TMLHE: variants seen among roughly 807,000 people sequenced by gnomAD.
TMLHE encodes the protein trimethyllysine hydroxylase, epsilon.
In TMLHE, 18 loss-of-function variants were observed where a neutral mutation model predicts 25.7. The ratio of observed to expected loss-of-function variants is 0.70; its 90% CI spans 0.48 to 1.04. TMLHE has a LOEUF of 1.04. Among genes scored for constraint, TMLHE ranks in the 50% least tolerant of loss-of-function variants. The pLI is 0.00. For missense variants in TMLHE, 236 were observed against 259.0 expected (o/e 0.91, Z 0.61); for synonymous variants, 105 against 97.0 (o/e 1.08, Z -0.49).
chrX:155,597,232 T>C (rs1557346657), intron 1 of TMLHE, among the ~76,000 whole-genome samples: 2 of 110,457 alleles, frequency 1.8e-5, no homozygotes, highest in Non-Finnish European at 1.9e-5. Context: ...GGCTGCATAG[T>C]ACACATGAAA....
chrX:155,553,262 T>TATCA (rs1277263183), intron 1 of TMLHE, among the ~76,000 whole-genome samples: 1 of 110,544 alleles, frequency 9.0e-6, no homozygotes, highest in Admixed American at 9.6e-5. Context: ...TCTGATATTC[T>TATCA]ATCAGTTACT....
At chrX:155,609,182 T>C (rs919328575) in intron 1 of TMLHE, among the ~76,000 whole-genome samples, 2 of 112,119 alleles carry the variant, frequency 1.8e-5, no homozygotes, top group Non-Finnish European at 3.8e-5. Context: ...ATTTGGTACA[T>C]ATACACCATG....
intron 1 of TMLHE, among the ~76,000 whole-genome samples, chrX:155,566,004 T>C (rs1557342163): frequency 1.6e-5 from 1 of 61,843 alleles, no homozygotes; most frequent in African/African-American, 3.6e-5. Context: ...TTAGGTTGCT[T>C]TGAAAACCTA....
chrX:155,505,277 T>C (rs987295834), intron 6 of TMLHE, among the ~76,000 whole-genome samples: 2 of 111,688 alleles, frequency 1.8e-5, no homozygotes, highest in Non-Finnish European at 3.8e-5. Context: ...TTTAGAAATG[T>C]TCATAATAAA....
chrX:155,580,345 G>A (rs1557344357), intron 1 of TMLHE, among the ~76,000 whole-genome samples: 1 of 111,655 alleles, frequency 9.0e-6, no homozygotes, highest in African/African-American at 3.3e-5. Context: ...AAAAACAGAT[G>A]TTGGTGAGGA....
At chrX:155,565,389 G>A (rs1217668143) in intron 1 of TMLHE, among the ~76,000 whole-genome samples, 1 of 61,626 alleles carries the variant, frequency 1.6e-5, no homozygotes, top group African/African-American at 3.6e-5. Flanking sequence ...GTCAAGAGTA[G>A]GTGAAACTAC....
chrX:155,540,061 C>A (rs2067301827), intron 2 of TMLHE, among the ~76,000 whole-genome samples: 1 of 108,320 alleles, frequency 9.2e-6, no homozygotes. Context: ...GGGGCACCAA[C>A]AAGCAGAACA....
intron 2 of TMLHE, among the ~76,000 whole-genome samples, chrX:155,525,942 G>T (rs1445662975): frequency 8.9e-6 from 1 of 112,701 alleles, no homozygotes. Flanking sequence ...CAAAGAGATG[G>T]TATGAAATTG....
At chrX:155,518,907 CTCT>C (rs2067175846) in intron 3 of TMLHE, among the ~76,000 whole-genome samples, 1 of 44,358 alleles carries the variant, frequency 2.3e-5, no homozygotes, top group African/African-American at 5.3e-5. Flanking sequence ...TGATTCTTCT[CTCT>C]TTTTTTCTTT....
chrX:155,554,016 TCATTTA>T (rs2124433685), intron 1 of TMLHE, among the ~76,000 whole-genome samples: 1 of 105,363 alleles, frequency 9.5e-6, no homozygotes, highest in African/African-American at 3.7e-5. Flanking sequence ...ATTCATTCAT[TCATTTA>T]TAGATTCAGA....
chrX:155,537,336 T>A (rs2067284899), intron 2 of TMLHE, among the ~76,000 whole-genome samples: 1 of 111,460 alleles, frequency 9.0e-6, no homozygotes, highest in Non-Finnish European at 1.9e-5. Context: ...CATGCTTTCT[T>A]AATTATTCTA....
intron 2 of TMLHE, among the ~76,000 whole-genome samples, chrX:155,542,671 C>T (rs1348416531): frequency 9.0e-6 from 1 of 111,703 alleles, no homozygotes; most frequent in Non-Finnish European, 1.9e-5. Flanking sequence ...CTTTATCTCT[C>T]ACTTTTGAAG....
At chrX:155,604,932 C>CAGT (rs1211271012) in intron 1 of TMLHE, among the ~76,000 whole-genome samples, 1 of 112,121 alleles carries the variant, frequency 8.9e-6, no homozygotes, top group Non-Finnish European at 1.9e-5. Flanking sequence ...AATCACACCA[C>CAGT]AGTTAAAGAA....
chrX:155,538,910 G>A (rs1316152605), intron 2 of TMLHE, among the ~76,000 whole-genome samples: 5 of 111,121 alleles, frequency 4.5e-5, no homozygotes, highest in African/African-American at 1.6e-4. Flanking sequence ...TATTCCAGGA[G>A]TGCCATCAGC....
chrX:155,597,085 G>A (rs1207518433), intron 1 of TMLHE, among the ~76,000 whole-genome samples: 2 of 86,921 alleles, frequency 2.3e-5, no homozygotes, highest in African/African-American at 9.2e-5. Flanking sequence ...GTGTCCATGT[G>A]TTCTCATTGT....
chrX:155,528,009 G>C (rs2067229313), intron 2 of TMLHE, among the ~76,000 whole-genome samples: 1 of 111,318 alleles, frequency 9.0e-6, no homozygotes, highest in Non-Finnish European at 1.9e-5. Context: ...AAAGTCACCA[G>C]AAGTGACGGG....
rs12558055 is a variant in TMLHE at position 155,566,656 on chromosome X, C to T, written c.-1-21379G>A. Among the ~76,000 whole-genome samples the T allele has an allele frequency of 5.7e-3, 348 of 61,165 alleles. 112 individuals carry two copies. Among genetic ancestry groups the T allele is most frequent in the Non-Finnish European group, 0.013 (290 of 21,806 alleles). The allele number at this position is 61,165 out of a possible 115,157, so 53.1% of individuals were successfully genotyped here. On this transcript the variant is annotated intron_variant, in intron 1 of 7. Coordinates refer to ENST00000334398, the MANE Select transcript of TMLHE (RefSeq NM_018196.4). ...TCCCTGTGAATGGCCACTTAAGGTA[C>T]CAGAACTCCCTTTTTATGGGTTGAG...
intron 6 of TMLHE, 58 bp downstream of exon 6, chrX:155,506,840 T>G: frequency 2.0e-6 from 2 of 1,014,790 alleles, no homozygotes; most frequent in South Asian, 3.9e-5. Flanking sequence ...TTTTGTTACA[T>G]TAGAAGGCTA....
chrX:155,611,903 C>A (rs1477662632), intron 1 of TMLHE, among the ~76,000 whole-genome samples: 1 of 111,477 alleles, frequency 9.0e-6, no homozygotes, highest in Non-Finnish European at 1.9e-5. Context: ...GCAAACCAAG[C>A]TACAAGCAAC....
Sources: gnomAD v4.1 joint callset for allele counts (sites outside exome capture counted in the v4.1 genomes callset) on GRCh38, gnomAD v4.1.1 for gene constraint, MANE v1.5 for transcripts, NCBI Gene and HGNC (gene_info 2026-07-23, HGNC 2026-07-21) for gene names.